NDST4: variants seen among roughly 807,000 people sequenced by gnomAD.
NDST4 encodes the protein N-heparan sulfate sulfotransferase 4.
NDST4 carries 63 observed loss-of-function variants against 100.8 expected under a neutral mutation model. That is an observed-to-expected ratio of 0.62 (90% confidence interval 0.51 to 0.77). NDST4 has a LOEUF of 0.77. Ranked by LOEUF, NDST4 falls within the 30% of genes least tolerant of loss-of-function variation. NDST4 has a pLI of 0.00. For synonymous variants in NDST4, 377 were observed against 361.8 expected, an observed-to-expected ratio of 1.04 and a Z score of -0.48; for missense variants, 943 against 1,018.4, an observed-to-expected ratio of 0.93 and a Z score of 1.01.
chr4:114,848,643 G>A (rs904509993), intron 8 of NDST4, among the ~76,000 whole-genome samples: 4 of 152,298 alleles, frequency 2.6e-5, no homozygotes, highest in South Asian at 2.1e-4. Context: ...CCAGGAGTCA[G>A]GTGAGTGGCT....
rs150897538 is a variant in NDST4, at chr4:114,854,420, T to G, written c.1720-1599A>C. 3.7e-4 allele frequency among the ~76,000 whole-genome samples: 57 copies of G among 152,338 alleles called. 1 individual carries two copies. In the East Asian group the frequency reaches 0.01, roughly 27 times the overall value. ...GCTTCCAAATCTTGGCTATTGTGAATAGTGCTGAAATAAATGTGGGAGTGC... is the reference window on the plus strand; with the variant it reads ...GCTTCCAAATCTTGGCTATTGTGAAGAGTGCTGAAATAAATGTGGGAGTGC... On this transcript the variant is annotated intron_variant, in intron 7 of 13. Coordinates refer to ENST00000264363, the MANE Select transcript of NDST4 (RefSeq NM_022569.3).
At chr4:114,872,559 A>C (rs1724171578) in intron 6 of NDST4, among the ~76,000 whole-genome samples, 1 of 152,030 alleles carries the variant, frequency 6.6e-6, no homozygotes, top group South Asian at 2.1e-4. Flanking sequence ...GTCACACCTC[A>C]TCATGGTTGA....
intron 4 of NDST4, among the ~76,000 whole-genome samples, chr4:114,944,968 G>A (rs1335993533): frequency 6.6e-6 from 1 of 151,982 alleles, no homozygotes; most frequent in Non-Finnish European, 1.5e-5. Flanking sequence ...CCTGCACTTT[G>A]GGAGGCCGAG....
intron 2 of NDST4, among the ~76,000 whole-genome samples, chr4:114,998,549 G>A (rs776037537): frequency 4.6e-5 from 7 of 151,970 alleles, no homozygotes; most frequent in Non-Finnish European, 1.0e-4. Context: ...AACAGATTCT[G>A]GGCAAGAATT....
At chr4:115,017,509 T>C (rs1727703982) in intron 2 of NDST4, among the ~76,000 whole-genome samples, 1 of 152,078 alleles carries the variant, frequency 6.6e-6, no homozygotes, top group Non-Finnish European at 1.5e-5. Context: ...CTAAACCTAC[T>C]CAGATTTCAA....
intron 4 of NDST4, among the ~76,000 whole-genome samples, chr4:114,958,247 A>G (rs1369860118): frequency 3.3e-5 from 5 of 152,204 alleles, no homozygotes; most frequent in African/African-American, 9.7e-5. Flanking sequence ...CCAAAACTTA[A>G]TTCCTGACCA....
At chr4:114,916,312 A>G (rs1725166325) in intron 6 of NDST4, among the ~76,000 whole-genome samples, 2 of 152,056 alleles carry the variant, frequency 1.3e-5, no homozygotes, top group Admixed American at 1.3e-4. Flanking sequence ...GATCCATAAA[A>G]ACCTGCCGAA....
chr4:115,047,784 T>C (rs1728496374), intron 2 of NDST4, among the ~76,000 whole-genome samples: 1 of 152,172 alleles, frequency 6.6e-6, no homozygotes, highest in Non-Finnish European at 1.5e-5. Context: ...GATGGCTATA[T>C]ATCTATGTAC....
intron 6 of NDST4, among the ~76,000 whole-genome samples, chr4:114,894,239 T>C (rs1724664580): frequency 1.3e-5 from 2 of 152,306 alleles, no homozygotes; most frequent in East Asian, 3.9e-4. Flanking sequence ...CTTCATTCCA[T>C]ATGAAATTTA....
chr4:114,934,053 A>C (rs938105836), intron 6 of NDST4, among the ~76,000 whole-genome samples: 3 of 152,232 alleles, frequency 2.0e-5, no homozygotes, highest in Admixed American at 6.5e-5. Context: ...TGTTCATTGC[A>C]GCATTATTCA....
chr4:114,860,486 T>C (rs1190257982), intron 7 of NDST4, among the ~76,000 whole-genome samples: 1 of 152,192 alleles, frequency 6.6e-6, no homozygotes, highest in Non-Finnish European at 1.5e-5. Context: ...CAAAATGATA[T>C]GAAGTATCCT....
At chr4:115,021,544 ACACATTCCATATATACACACGTTC>A in intron 2 of NDST4, among the ~76,000 whole-genome samples, 1 of 77,172 alleles carries the variant, frequency 1.3e-5, no homozygotes, top group Non-Finnish European at 2.6e-5. Flanking sequence ...TTCCACATAT[ACACATTCCATATATACACACGTTC>A]CACATATACA....
At chr4:114,927,323 T>C (rs1405988540) in intron 6 of NDST4, among the ~76,000 whole-genome samples, 2 of 151,972 alleles carry the variant, frequency 1.3e-5, no homozygotes, top group Non-Finnish European at 2.9e-5. Context: ...CAAGATGAAC[T>C]ATTAGAAGCT....
At chr4:115,063,002 C>A (rs1728856509) in intron 2 of NDST4, among the ~76,000 whole-genome samples, 1 of 151,822 alleles carries the variant, frequency 6.6e-6, no homozygotes, top group Non-Finnish European at 1.5e-5. Flanking sequence ...ATACAAGTAA[C>A]AAGAAAGCTA....
intron 6 of NDST4, among the ~76,000 whole-genome samples, chr4:114,885,540 T>TA (rs1724459815): frequency 6.6e-6 from 1 of 152,138 alleles, no homozygotes; most frequent in Non-Finnish European, 1.5e-5. Flanking sequence ...TGAAACAAAG[T>TA]AATTTGTGTG....
At chr4:115,001,717 A>G (rs901633534) in intron 2 of NDST4, among the ~76,000 whole-genome samples, 2 of 152,118 alleles carry the variant, frequency 1.3e-5, no homozygotes, top group African/African-American at 4.8e-5. Flanking sequence ...GCATCCCTCA[A>G]CATAGCAGTC....
chr4:114,844,900 C>A (rs1723511372), intron 10 of NDST4, among the ~76,000 whole-genome samples: 1 of 152,182 alleles, frequency 6.6e-6, no homozygotes, highest in South Asian at 2.1e-4. Flanking sequence ...AAGATCTTTA[C>A]ATCCTTTTTT....
chr4:115,015,540 A>G (rs529198617), intron 2 of NDST4, among the ~76,000 whole-genome samples: 17 of 152,056 alleles, frequency 1.1e-4, no homozygotes, highest in Non-Finnish European at 1.8e-4. Context: ...TAATTGAAAA[A>G]TTGGTAACAA....
intron 2 of NDST4, among the ~76,000 whole-genome samples, chr4:115,031,946 G>A (rs1017671796): frequency 6.6e-6 from 1 of 151,954 alleles, no homozygotes; most frequent in African/African-American, 2.4e-5. Context: ...TGTGGCTAGA[G>A]GTTACTGAAG....
Sources: allele counts gnomAD v4.1 joint callset (sites outside exome capture counted in the v4.1 genomes callset), GRCh38; gene constraint gnomAD v4.1.1; transcripts MANE v1.5; gene names NCBI Gene and HGNC (gene_info 2026-07-23, HGNC 2026-07-21).